The following TTC1 variants were observed in gnomAD, a reference collection of about 807,000 sequenced individuals.
The protein encoded by TTC1 is tetratricopeptide repeat protein 1.
A neutral mutation model predicts 37.6 loss-of-function variants in TTC1; 31 were observed. The ratio of observed to expected loss-of-function variants is 0.82; its 90% CI spans 0.62 to 1.11. TTC1 has a LOEUF of 1.11. Among genes scored for constraint, TTC1 ranks in the 50% most tolerant of loss-of-function variants. The pLI, the probability that TTC1 is intolerant of heterozygous loss-of-function variation, is 0.00. For missense variants in TTC1, 351 were observed against 339.0 expected (o/e 1.04, Z -0.28); for synonymous variants, 127 against 122.4 (o/e 1.04, Z -0.25).
At chr5:160,048,595 C>T (rs1757320446) in intron 5 of TTC1, among the ~76,000 whole-genome samples, 1 of 152,200 alleles carries the variant, frequency 6.6e-6, no homozygotes, top group African/African-American at 2.4e-5. Flanking sequence ...TCAACCACCT[C>T]ATAGTGCTGG....
rs750430501 is a variant in TTC1, at chr5:160,010,485, T to C, written c.-29-15T>C. 18 of 1,558,770 alleles carry C rather than the reference T, an allele frequency of 1.2e-5. No individual in the cohort carries two copies. The highest frequency in any genetic ancestry group is 5.2e-6 in the Non-Finnish European group (6 of 1,144,946). The stretch of plus-strand genomic sequence containing the variant: ...AAGCACCATTATATAGCAGTTTTGT[T>C]TTGTTTTCCCCCAGCTTTAGCGTCA... On this transcript the variant is annotated splice_polypyrimidine_tract_variant and intron_variant, in intron 1 of 7. Coordinates refer to ENST00000231238, the MANE Select transcript of TTC1 (RefSeq NM_003314.3).
chr5:160,015,084 A>C (rs1756577472), intron 2 of TTC1, among the ~76,000 whole-genome samples: 1 of 152,216 alleles, frequency 6.6e-6, no homozygotes, highest in Non-Finnish European at 1.5e-5. Flanking sequence ...AGCCTAAGGA[A>C]GGATGGGGCC....
chr5:160,043,972 G>T (rs1757150003), intron 5 of TTC1, among the ~76,000 whole-genome samples: 1 of 152,116 alleles, frequency 6.6e-6, no homozygotes, highest in Non-Finnish European at 1.5e-5. Flanking sequence ...GTGTTTTGGG[G>T]TTGTTTTGTT....
At chr5:160,058,141 A>C (rs1031703051) in intron 7 of TTC1, among the ~76,000 whole-genome samples, 2 of 152,202 alleles carry the variant, frequency 1.3e-5, no homozygotes, top group African/African-American at 2.4e-5. Flanking sequence ...AGGAGATTCC[A>C]TCTCAAGAAA....
At chr5:160,016,237 G>C (rs1027117012) in intron 2 of TTC1, among the ~76,000 whole-genome samples, 20 of 152,248 alleles carry the variant, frequency 1.3e-4, no homozygotes, top group African/African-American at 4.6e-4. Flanking sequence ...AATTAGCCAG[G>C]TATGGCGGTG....
intron 2 of TTC1, among the ~76,000 whole-genome samples, chr5:160,017,630 G>A (rs549150355): frequency 2.0e-5 from 3 of 152,244 alleles, no homozygotes; most frequent in South Asian, 2.1e-4. Context: ...TAAGAAAATC[G>A]CCTTTTATGG....
chr5:160,047,159 GACTTC>G (rs1757274864), intron 5 of TTC1, among the ~76,000 whole-genome samples: 1 of 152,120 alleles, frequency 6.6e-6, no homozygotes, highest in Non-Finnish European at 1.5e-5. Flanking sequence ...CTTCAACTCT[GACTTC>G]TACCCTGTAG....
At chr5:160,050,463 C>T (rs1757372861) in intron 6 of TTC1, among the ~76,000 whole-genome samples, 1 of 151,926 alleles carries the variant, frequency 6.6e-6, no homozygotes, top group South Asian at 2.1e-4. Context: ...ACAAAAAATA[C>T]AAATGAATTT....
At chr5:160,050,473 T>TA (rs1317849855) in intron 6 of TTC1, among the ~76,000 whole-genome samples, 4 of 151,896 alleles carry the variant, frequency 2.6e-5, no homozygotes, top group East Asian at 1.9e-4. Flanking sequence ...CAAATGAATT[T>TA]AAAAAAAAGT....
intron 5 of TTC1, 116 bp downstream of exon 5, chr5:160,043,285 A>G: frequency 2.1e-6 from 2 of 953,708 alleles, no homozygotes; most frequent in Non-Finnish European, 1.6e-6. Context: ...GCCTTGCAAG[A>G]GGCAACTTTA....
At chr5:160,049,730 TAATC>T in intron 6 of TTC1, 68 bp downstream of exon 6, 1 of 1,273,014 alleles carries the variant, frequency 7.9e-7, no homozygotes, top group Non-Finnish European at 1.0e-6. Flanking sequence ...GAGTCCTAAA[TAATC>T]CTTTCAGACA....
At chr5:160,064,863 AG>A in intron 7 of TTC1, 68 bp from the exon 8 acceptor site, 2 of 1,507,846 alleles carry the variant, frequency 1.3e-6, no homozygotes, top group Non-Finnish European at 1.8e-6. Flanking sequence ...TGGTAAGGCA[AG>A]ATTAATTGGT....
At chr5:160,031,607 C>A (rs1029777644) in intron 2 of TTC1, among the ~76,000 whole-genome samples, 3 of 151,584 alleles carry the variant, frequency 2.0e-5, no homozygotes, top group Non-Finnish European at 2.9e-5. Flanking sequence ...GAGTGAGACT[C>A]TGTCTCAAAA....
chr5:160,011,581 T>C (rs1756503054), intron 2 of TTC1, among the ~76,000 whole-genome samples: 1 of 152,248 alleles, frequency 6.6e-6, no homozygotes, highest in African/African-American at 2.4e-5. Flanking sequence ...GAGTATAATG[T>C]ATAATGTAAT....
intron 7 of TTC1, among the ~76,000 whole-genome samples, chr5:160,052,295 G>C (rs1426265192): frequency 6.6e-6 from 1 of 152,072 alleles, no homozygotes; most frequent in Non-Finnish European, 1.5e-5. Flanking sequence ...CTTGAGCCCA[G>C]GAGTTCAAGG....
chr5:160,036,551 C>A, intron 3 of TTC1, 140 bp from the exon 4 acceptor site: 1 of 613,132 alleles, frequency 1.6e-6, no homozygotes, highest in Non-Finnish European at 2.9e-6. Context: ...TTTACTGCGC[C>A]AGACTTAATA....
chr5:160,045,510 ACACATACACACTCT>A (rs1460187812), intron 5 of TTC1, among the ~76,000 whole-genome samples: 13 of 58,590 alleles, frequency 2.2e-4, no homozygotes, highest in South Asian at 6.3e-4. Flanking sequence ...ACACACACAC[ACACATACACACTCT>A]CTCTCTCTCT....
chr5:160,051,108 TG>T lies in TTC1; in HGVS notation c.691-20del. The T allele has an allele frequency of 6.4e-7, 1 of 1,574,800 alleles. No individual in the cohort carries two copies. Among genetic ancestry groups the T allele is most frequent in the Non-Finnish European group, 8.6e-7 (1 of 1,161,746 alleles). On this transcript the variant is annotated intron_variant, in intron 6 of 7. Coordinates refer to ENST00000231238, the MANE Select transcript of TTC1 (RefSeq NM_003314.3). ...TTTTTTTTTTTTTTTTACCAACCCTTGTTTCTCCTCTTTTCCTCAGAGATTA... is the reference window on the plus strand; with the variant it reads ...TTTTTTTTTTTTTTTTACCAACCCTTTTTCTCCTCTTTTCCTCAGAGATTA...
rs749296749 is a variant in TTC1 at position 160,045,520 on chromosome 5, ACTCTCTCTCTCT to A, written c.541+2373_541+2384del. On this transcript the variant is annotated intron_variant, in intron 5 of 7. Coordinates refer to ENST00000231238, the MANE Select transcript of TTC1 (RefSeq NM_003314.3). Reference sequence around the variant, plus strand: ...CACACACACACACACACACATACACACTCTCTCTCTCTCTCTCTCTCTCTCTCTCTCTCCCCC... The same window carrying A: ...CACACACACACACACACACATACACACTCTCTCTCTCTCTCTCTCTCCCCC... 4.0e-4 allele frequency among the ~76,000 whole-genome samples: 22 copies of A among 54,904 alleles called. 1 individual carries two copies. Among genetic ancestry groups the A allele is most frequent in the African/African-American group, 1.2e-3 (14 of 11,440 alleles). 36.0% of individuals were successfully genotyped at this position (54,904 alleles called of 152,430 possible).
Sources: allele counts gnomAD v4.1 joint callset (sites outside exome capture counted in the v4.1 genomes callset), GRCh38; gene constraint gnomAD v4.1.1; transcripts MANE v1.5; gene names NCBI Gene and HGNC (gene_info 2026-07-23, HGNC 2026-07-21).